Variants in FBRSL1 observed in about 807,000 individuals in gnomAD.
FBRSL1 encodes fibrosin-1-like protein.
Under a neutral mutation model 89.6 loss-of-function variants are expected in FBRSL1, and 51 were observed. The observed-to-expected ratio is 0.57, with a 90% CI of 0.45 to 0.72. The LOEUF (loss-of-function observed/expected upper bound fraction) is 0.72. FBRSL1 is among the 30% of genes least tolerant of loss of function. FBRSL1 has a pLI of 0.00. For missense variants in FBRSL1, 1,618 were observed against 1,451.8 expected (o/e 1.11, Z -1.86); for synonymous variants, 779 against 681.1 (o/e 1.14, Z -2.24).
intron 5 of FBRSL1, among the ~76,000 whole-genome samples, chr12:132,555,343 G>A (rs950236688): frequency 2.0e-5 from 3 of 147,736 alleles, no homozygotes; most frequent in African/African-American, 5.0e-5. Context: ...CCACCCGAGC[G>A]TGAGCGTGGC....
chr12:132,580,095 T>C (rs561722823), intron 15 of FBRSL1, among the ~76,000 whole-genome samples: 39 of 152,290 alleles, frequency 2.6e-4, no homozygotes, highest in African/African-American at 8.4e-4. Flanking sequence ...TTTATTTTAA[T>C]TTATTTATTT....
chr12:132,527,911 C>T lies in FBRSL1; in HGVS notation c.580-42C>T, dbSNP rs1183192330. On this transcript the variant is annotated intron_variant, in intron 3 of 18. Coordinates refer to ENST00000680143, the MANE Select transcript of FBRSL1 (RefSeq NM_001367871.1). Reference sequence around the variant, plus strand: ...CGGGTGCATCCCTGGGAGTTTGTTCCGAGTGGCAGCCTCACTGACTGTCCC... The same window carrying T: ...CGGGTGCATCCCTGGGAGTTTGTTCTGAGTGGCAGCCTCACTGACTGTCCC... The T allele has an allele frequency of 9.7e-6, 15 of 1,548,062 alleles. 1 individual carries two copies. In the African/African-American group the frequency reaches 1.6e-4, roughly 17 times the overall value.
In FBRSL1 at chr12:132,501,898, C is replaced by G. The variant is rs555811031; in HGVS notation, c.292-6255C>G. 9.8e-5 allele frequency among the ~76,000 whole-genome samples: 15 copies of G among 152,370 alleles called. No homozygotes were observed. In the East Asian group the frequency reaches 2.5e-3, roughly 26 times the overall value. On this transcript the variant is annotated intron_variant, in intron 1 of 18. Coordinates refer to ENST00000680143, the MANE Select transcript of FBRSL1 (RefSeq NM_001367871.1). The stretch of plus-strand genomic sequence containing the variant: ...CACAGGGTCCTGCCCTGCGTCCCCC[C>G]TTTGGGGACAGCCTCACCTGCCCGG...
At position 132,490,868 on chromosome 12, in the gene FBRSL1, G is replaced by T. The variant is rs1432321036; in HGVS notation, c.291+7G>T. On this transcript the variant is annotated splice_region_variant and intron_variant, in intron 1 of 18. Coordinates refer to ENST00000680143, the MANE Select transcript of FBRSL1 (RefSeq NM_001367871.1). ...CACCCTGGAGGCCCTGGAGGTAGGT[G>T]GACGGGTGCGGCTTCGCAGGCGTTG... 8.0e-7 allele frequency: 1 copy of T among 1,245,216 alleles called. No homozygotes were observed. Among genetic ancestry groups the T allele is most frequent in the Non-Finnish European group, 1.1e-6 (1 of 943,740 alleles). The allele number at this position is 1,245,216 out of a possible 1,614,324, so 77.1% of individuals were successfully genotyped here. A position where few individuals can be genotyped will look rare whatever the true frequency, so the allele number is the denominator to read the frequency against.
At chr12:132,579,147 G>A (rs1329422759) in intron 15 of FBRSL1, among the ~76,000 whole-genome samples, 1 of 152,160 alleles carries the variant, frequency 6.6e-6, no homozygotes, top group Non-Finnish European at 1.5e-5. Context: ...GGCCAGTGCT[G>A]CCTCCTCCAT....
chr12:132,491,916 G>A (rs1306276687), intron 1 of FBRSL1, among the ~76,000 whole-genome samples: 1 of 152,246 alleles, frequency 6.6e-6, no homozygotes, highest in Non-Finnish European at 1.5e-5. Flanking sequence ...TGGGGCTCCT[G>A]TGGGCCCAGG....
At chr12:132,544,882 G>T (rs2037556048) in intron 4 of FBRSL1, among the ~76,000 whole-genome samples, 1 of 152,166 alleles carries the variant, frequency 6.6e-6, no homozygotes, top group East Asian at 1.9e-4. Flanking sequence ...GATGGTGATG[G>T]TAGTGATGAT....
In FBRSL1 at chr12:132,527,580, A is replaced by AGGGCTGCG. The variant is rs1311978696; in HGVS notation, c.580-360_580-353dup. 4.8e-5 allele frequency among the ~76,000 whole-genome samples: 7 copies of AGGGCTGCG among 144,406 alleles called. No individual in the cohort carries two copies. In the South Asian group the frequency reaches 1.1e-3, roughly 23 times the overall value. The allele number at this position is 144,406 out of a possible 152,430, so 94.7% of individuals were successfully genotyped here. A position where few individuals can be genotyped will look rare whatever the true frequency, so the allele number is the denominator to read the frequency against. ...TCTGGACCTGTCCCCATCCGAGTTG[A>AGGGCTGCG]GGGCTGCGGGGCTGCGGGGCAGGGT... On this transcript the variant is annotated intron_variant, in intron 3 of 18. Transcript: ENST00000680143.
intron 1 of FBRSL1, among the ~76,000 whole-genome samples, chr12:132,506,777 C>G (rs2033735996): frequency 1.3e-5 from 2 of 152,238 alleles, no homozygotes. Context: ...CGGGCTTGTG[C>G]AGGAGCAGGC....
chr12:132,583,181 C>G lies in FBRSL1; in HGVS notation c.2412C>G (p.His804Gln), dbSNP rs2040907036. Residue 804 changes from histidine to glutamine, a missense_variant, in exon 19 of 19, where the codon CAC becomes CAG. Coordinates refer to ENST00000680143, the MANE Select transcript of FBRSL1 (RefSeq NM_001367871.1). Reference sequence around the variant, plus strand: ...TGCCCGCGCGCGCATCCCCGCCCCACAGCAAGGCGGCCCCTGGAGACGTGA... The same window carrying G: ...TGCCCGCGCGCGCATCCCCGCCCCAGAGCAAGGCGGCCCCTGGAGACGTGA... The part of the protein sequence containing the change: ...AKMPARASPP[H>Q]SKAAPGDVKV... 2 of 1,453,342 alleles carry G rather than the reference C, an allele frequency of 1.4e-6. No individual in the cohort carries two copies. Among genetic ancestry groups the G allele is most frequent in the Non-Finnish European group, 1.8e-6 (2 of 1,106,502 alleles). 90.0% of individuals were successfully genotyped at this position (1,453,342 alleles called of 1,614,324 possible).
At chr12:132,536,368 A>G (rs1475908181) in intron 4 of FBRSL1, among the ~76,000 whole-genome samples, 2 of 150,966 alleles carry the variant, frequency 1.3e-5, no homozygotes, top group Admixed American at 6.6e-5. Flanking sequence ...GATTGTGTAC[A>G]TGATGGTGTG....
At chr12:132,492,821 G>A (rs908259774) in intron 1 of FBRSL1, among the ~76,000 whole-genome samples, 3 of 152,226 alleles carry the variant, frequency 2.0e-5, no homozygotes, top group Non-Finnish European at 4.4e-5. Context: ...AGCCTGCCTG[G>A]GAAAGTACGG....
chr12:132,554,115 C>G (rs570997229), intron 5 of FBRSL1: 1 of 152,268 alleles, frequency 6.6e-6, no homozygotes, highest in East Asian at 1.9e-4. Flanking sequence ...TCGGTCGCCA[C>G]GGGGCACCTC....
intron 5 of FBRSL1, chr12:132,551,796 T>G (rs2038187214): frequency 1.1e-5 from 4 of 350,584 alleles, no homozygotes; most frequent in East Asian, 7.5e-5. Context: ...GATGGCCCCT[T>G]CGCAAGTCTT....
intron 4 of FBRSL1, among the ~76,000 whole-genome samples, chr12:132,531,253 C>T (rs556734815): frequency 1.3e-5 from 2 of 152,146 alleles, no homozygotes; most frequent in Non-Finnish European, 2.9e-5. Context: ...GGGGCCCAGG[C>T]GAGGGTCTGG....
At chr12:132,570,921 G>GC (rs1214271098) in intron 8 of FBRSL1, 147 bp from the exon 9 acceptor site, 2 of 395,626 alleles carry the variant, frequency 5.1e-6, no homozygotes, top group African/African-American at 4.4e-5. Flanking sequence ...TCCTCCCTCG[G>GC]CCCCCAGGCG....
chr12:132,536,937 G>A (rs2036813028), intron 4 of FBRSL1, among the ~76,000 whole-genome samples: 1 of 152,252 alleles, frequency 6.6e-6, no homozygotes, highest in Non-Finnish European at 1.5e-5. Flanking sequence ...ATGTGATCAT[G>A]TTGTGCCATG....
intron 14 of FBRSL1, among the ~76,000 whole-genome samples, chr12:132,575,884 G>T (rs1469777189): frequency 6.6e-6 from 1 of 152,252 alleles, no homozygotes; most frequent in East Asian, 1.9e-4. Context: ...TCAGAGGCAG[G>T]ACAGGCAGAG....
intron 1 of FBRSL1, 49 bp from the exon 2 acceptor site, chr12:132,508,104 A>G: frequency 6.9e-7 from 1 of 1,455,004 alleles, no homozygotes; most frequent in Non-Finnish European, 9.4e-7. Flanking sequence ...CCTGGGCCCA[A>G]GGCCCTGGGG....
Sources: allele counts gnomAD v4.1 joint callset (sites outside exome capture counted in the v4.1 genomes callset), GRCh38; gene constraint gnomAD v4.1.1; transcripts MANE v1.5; gene names NCBI Gene and HGNC (gene_info 2026-07-23, HGNC 2026-07-21).